FOXP4: variants seen among roughly 807,000 people sequenced by gnomAD.
The protein encoded by FOXP4 is forkhead box P4.
Under a neutral mutation model 82.6 loss-of-function variants are expected in FOXP4, and 25 were observed. The ratio of observed to expected loss-of-function variants is 0.30; its 90% CI spans 0.22 to 0.42. The LOEUF is 0.42. Among genes scored for constraint, FOXP4 ranks in the 10% least tolerant of loss-of-function variants. The pLI is 1.00. For missense variants in FOXP4, 785 were observed against 900.9 expected, an observed-to-expected ratio of 0.87 and a Z score of 1.65; for synonymous variants, 415 against 388.2, an observed-to-expected ratio of 1.07 and a Z score of -0.81.
chr6:41,563,563 T>C (rs979532953), intron 1 of FOXP4, among the ~76,000 whole-genome samples: 1 of 152,200 alleles, frequency 6.6e-6, no homozygotes, highest in African/African-American at 2.4e-5. Flanking sequence ...CGGGCCTTGC[T>C]AAATGCTCAT....
chr6:41,578,464 G>T lies in FOXP4; in HGVS notation c.300+383G>T, dbSNP rs574484599. On this transcript the variant is annotated intron_variant, in intron 3 of 16. Coordinates refer to ENST00000307972, the MANE Select transcript of FOXP4 (RefSeq NM_001012426.2). ...TCCCTCTGTCCCTCTGTGTTCCTGT[G>T]TCTGGGGCTCAGCCCCTCCCAGGCC... Among the ~76,000 whole-genome samples, 5 of 151,834 alleles carry T rather than the reference G, an allele frequency of 3.3e-5. No individual in the cohort carries two copies. The South Asian group carries it at 1.0e-3, about 32-fold the overall frequency.
At chr6:41,553,766 C>T (rs573474140) in intron 1 of FOXP4, among the ~76,000 whole-genome samples, 1 of 152,280 alleles carries the variant, frequency 6.6e-6, no homozygotes, top group South Asian at 2.1e-4. Flanking sequence ...AGCTAGGGAC[C>T]TTTTAACCCT....
At chr6:41,561,029 C>A (rs1764547354) in intron 1 of FOXP4, among the ~76,000 whole-genome samples, 2 of 152,190 alleles carry the variant, frequency 1.3e-5, no homozygotes, top group Non-Finnish European at 2.9e-5. Flanking sequence ...CAAGGGCGTC[C>A]CTCGTTGCGC....
intron 1 of FOXP4, among the ~76,000 whole-genome samples, chr6:41,556,172 A>C (rs1263850781): frequency 6.6e-6 from 1 of 152,054 alleles, no homozygotes; most frequent in Non-Finnish European, 1.5e-5. Flanking sequence ...ACCTGGTTTC[A>C]GTTTGGCTCA....
exon 17 of FOXP4, chr6:41,602,367 A>AAAAACAATTACCCATGATTTTGCTG (rs1360517726): frequency 3.9e-5 from 6 of 152,340 alleles, no homozygotes; most frequent in African/African-American, 1.4e-4. Flanking sequence ...ACAATGCAAT[A>AAAAACAATTACCCATGATTTTGCTG]AAAACAATTA....
chr6:41,576,150 G>A (rs916871811), intron 2 of FOXP4, among the ~76,000 whole-genome samples: 4 of 151,318 alleles, frequency 2.6e-5, no homozygotes, highest in Admixed American at 1.3e-4. Context: ...GAAACATCCT[G>A]TCCCCCTCTG....
chr6:41,579,045 G>A (rs1765655591), intron 3 of FOXP4, among the ~76,000 whole-genome samples: 1 of 152,156 alleles, frequency 6.6e-6, no homozygotes, highest in Non-Finnish European at 1.5e-5. Context: ...GGTGCTCAGA[G>A]AAGGACCCAG....
chr6:41,550,761 G>A (rs1386300217), intron 1 of FOXP4, among the ~76,000 whole-genome samples: 1 of 152,218 alleles, frequency 6.6e-6, no homozygotes, highest in African/African-American at 2.4e-5. Flanking sequence ...CAACCCTGGA[G>A]CATTCCCCAG....
chr6:41,564,505 A>G (rs1764764935), intron 1 of FOXP4, among the ~76,000 whole-genome samples: 1 of 152,100 alleles, frequency 6.6e-6, no homozygotes, highest in Non-Finnish European at 1.5e-5. Flanking sequence ...TTAGGCCTCC[A>G]CCTCCTCCTT....
In FOXP4 at chr6:41,570,148, C is replaced by T. The variant is rs1371387905; in HGVS notation, c.204+4184C>T. The T allele has an allele frequency of 1.4e-5, 5 of 365,896 alleles. No individual in the cohort carries two copies. The East Asian group carries it at 3.8e-4, about 28-fold the overall frequency. 22.7% of individuals were successfully genotyped at this position (365,896 alleles called of 1,614,324 possible). On this transcript the variant is annotated intron_variant, in intron 2 of 16. Transcript: ENST00000307972. ...CAACAGTTGTCTTTGGTCTGCAGGT[C>T]CAGGGCCCATTTCTCTTCAGGACTG...
chr6:41,571,755 T>C (rs1385458317), intron 2 of FOXP4, among the ~76,000 whole-genome samples: 1 of 151,986 alleles, frequency 6.6e-6, no homozygotes, highest in African/African-American at 2.4e-5. Flanking sequence ...TTGTCCCCCC[T>C]CTCTGTGTAA....
Position 41,599,059 on chromosome 6 carries a change from G to GC in FOXP4, c.*126dup. The GC allele has an allele frequency of 7.5e-7, 1 of 1,336,540 alleles. No individual in the cohort carries two copies. Among genetic ancestry groups the GC allele is most frequent in the South Asian group, 1.6e-5 (1 of 63,656 alleles). 82.8% of individuals were successfully genotyped at this position (1,336,540 alleles called of 1,614,324 possible). On this transcript the variant is annotated 3_prime_UTR_variant, in exon 17 of 17. Transcript: ENST00000307972. ...CAAGTCCAGGACTCAGACCGGGGAGGCCCGGGCCAGCAGCTCCCAGTGTGA... is the reference window on the plus strand; with the variant it reads ...CAAGTCCAGGACTCAGACCGGGGAGGCCCCGGGCCAGCAGCTCCCAGTGTGA...
intron 2 of FOXP4, among the ~76,000 whole-genome samples, chr6:41,567,853 A>G (rs948288044): frequency 1.2e-4 from 18 of 152,164 alleles, no homozygotes; most frequent in Non-Finnish European, 2.2e-4. Context: ...GGAAAATCCT[A>G]TATCTGTTTC....
chr6:41,586,995 G>A lies in FOXP4; in HGVS notation c.511-14G>A, dbSNP rs201372678. On this transcript the variant is annotated splice_polypyrimidine_tract_variant and intron_variant, in intron 5 of 16. Coordinates refer to ENST00000307972, the MANE Select transcript of FOXP4 (RefSeq NM_001012426.2). The stretch of plus-strand genomic sequence containing the variant: ...GGCACCCCTCTCTGCCCGCCCCCTC[G>A]GGCCCCTCACCAGGCACTGGGGAAC... 8 of 1,567,024 alleles carry A rather than the reference G, an allele frequency of 5.1e-6. No individual in the cohort carries two copies. The Admixed American group carries it at 6.9e-5, about 14-fold the overall frequency.
intron 1 of FOXP4, among the ~76,000 whole-genome samples, chr6:41,554,163 C>G (rs1764153415): frequency 6.6e-6 from 1 of 152,178 alleles, no homozygotes. Flanking sequence ...GTGAAGTACC[C>G]AGGCCCAGAG....
chr6:41,569,909 A>G (rs1765092771), intron 2 of FOXP4, among the ~76,000 whole-genome samples: 1 of 151,808 alleles, frequency 6.6e-6, no homozygotes, highest in Admixed American at 6.6e-5. Context: ...CCCCCCCTTC[A>G]AAGAGATGGG....
chr6:41,561,953 C>A (rs1291268801), intron 1 of FOXP4, among the ~76,000 whole-genome samples: 2 of 152,246 alleles, frequency 1.3e-5, no homozygotes, highest in Non-Finnish European at 2.9e-5. Context: ...CTCCTCCATA[C>A]CCCACACCCT....
intron 3 of FOXP4, among the ~76,000 whole-genome samples, chr6:41,579,588 A>C (rs1014735159): frequency 1.1e-4 from 16 of 152,170 alleles, no homozygotes; most frequent in Admixed American, 1.3e-4. Context: ...AGGACTGCTC[A>C]GCTGGGGATT....
At chr6:41,596,859 G>C (rs926043390) in intron 14 of FOXP4, among the ~76,000 whole-genome samples, 1 of 152,062 alleles carries the variant, frequency 6.6e-6, no homozygotes, top group African/African-American at 2.4e-5. Flanking sequence ...AACGGGTGGG[G>C]GGGCAGCATG....
Sources: gnomAD v4.1 joint callset for allele counts (sites outside exome capture counted in the v4.1 genomes callset) on GRCh38, gnomAD v4.1.1 for gene constraint, MANE v1.5 for transcripts, NCBI Gene and HGNC (gene_info 2026-07-23, HGNC 2026-07-21) for gene names.